The following ARHGEF3 variants were observed in gnomAD, a reference collection of about 807,000 sequenced individuals.
ARHGEF3 encodes the protein Rho guanine nucleotide exchange factor 3.
In ARHGEF3, 28 loss-of-function variants were observed where a neutral mutation model predicts 63.2. That is an observed-to-expected ratio of 0.44 (90% CI 0.33 to 0.61). ARHGEF3 has a LOEUF of 0.61. ARHGEF3 is among the 20% of genes least tolerant of loss of function. The pLI, the probability that ARHGEF3 is intolerant of heterozygous loss-of-function variation, is 0.03. For synonymous variants in ARHGEF3, 266 were observed against 254.2 expected (o/e 1.05, Z -0.44); for missense variants, 533 against 659.3 (o/e 0.81, Z 2.10).
Position 56,929,562 on chromosome 3 carries a change from G to A in ARHGEF3, c.129+29261C>T, listed in dbSNP as rs142506686. On this transcript the variant is annotated intron_variant, in intron 3 of 12. Transcript: ENST00000338458. ...TTCTGCATATCTAATATGCTTCCGG[G>A]TTCTGTTGCCACTAATGTCCCATGG... Among the ~76,000 whole-genome samples, 295 of 152,210 alleles carry A rather than the reference G, an allele frequency of 1.9e-3. 1 individual carries two copies. The highest frequency in any genetic ancestry group is 6.8e-3 in the African/African-American group (283 of 41,528).
At chr3:56,978,171 T>C (rs887415898) in intron 2 of ARHGEF3, among the ~76,000 whole-genome samples, 1 of 152,270 alleles carries the variant, frequency 6.6e-6, no homozygotes, top group African/African-American at 2.4e-5. Flanking sequence ...CTACCTTTAT[T>C]TGACAAAGAT....
intron 2 of ARHGEF3, among the ~76,000 whole-genome samples, chr3:57,028,604 A>C (rs1703578836): frequency 7.4e-6 from 1 of 134,644 alleles, no homozygotes; most frequent in African/African-American, 2.8e-5. Context: ...ATGACAAGTT[A>C]GTGGGTGCAG....
chr3:57,044,240 A>G (rs1259590008), intron 1 of ARHGEF3, among the ~76,000 whole-genome samples: 1 of 152,240 alleles, frequency 6.6e-6, no homozygotes, highest in African/African-American at 2.4e-5. Flanking sequence ...CTAATGAAAG[A>G]TGATACAAAC....
intron 3 of ARHGEF3, among the ~76,000 whole-genome samples, chr3:56,894,236 C>T (rs1423148521): frequency 2.0e-5 from 3 of 152,154 alleles, no homozygotes; most frequent in Non-Finnish European, 2.9e-5. Context: ...CACCTGGGTC[C>T]GCTCAACTGT....
At chr3:56,939,075 C>T (rs1699048996) in intron 3 of ARHGEF3, among the ~76,000 whole-genome samples, 1 of 152,140 alleles carries the variant, frequency 6.6e-6, no homozygotes, top group African/African-American at 2.4e-5. Context: ...ATTCGAGCCA[C>T]AATCCAATCT....
chr3:56,742,115 T>C (rs930137264), intron 7 of ARHGEF3, among the ~76,000 whole-genome samples: 1 of 152,124 alleles, frequency 6.6e-6, no homozygotes, highest in Non-Finnish European at 1.5e-5. Flanking sequence ...GAACCAAGAA[T>C]AGCAGTCTTC....
In ARHGEF3 at chr3:57,062,698, A is replaced by T. The variant is rs181965964; in HGVS notation, c.-28+16528T>A. Among the ~76,000 whole-genome samples the T allele has an allele frequency of 9.4e-3, 1,428 of 152,134 alleles. 37 individuals carry two copies. The highest frequency in any genetic ancestry group is 0.033 in the African/African-American group (1,355 of 41,402). On this transcript the variant is annotated intron_variant, in intron 1 of 12. Coordinates refer to the ARHGEF3 transcript ENST00000338458. ...GGACTCGCTGTTTCTCTGTCTACAC[A>T]CATGCACACACACACACACACAACA...
chr3:56,866,426 G>C (rs2040250281), intron 4 of ARHGEF3, among the ~76,000 whole-genome samples: 1 of 152,166 alleles, frequency 6.6e-6, no homozygotes, highest in African/African-American at 2.4e-5. Context: ...TGTTCCTAGG[G>C]GAGGCTGCTC....
chr3:56,784,920 G>A (rs2036731338), intron 1 of ARHGEF3, among the ~76,000 whole-genome samples: 1 of 152,184 alleles, frequency 6.6e-6, no homozygotes, highest in Non-Finnish European at 1.5e-5. Context: ...TTCTCACAGA[G>A]TTGTTGGGAG....
chr3:56,836,022 T>C (rs544645491), intron 4 of ARHGEF3, among the ~76,000 whole-genome samples: 8 of 152,346 alleles, frequency 5.3e-5, no homozygotes, highest in Non-Finnish European at 8.8e-5. Context: ...AGTATTTCTG[T>C]GGTAAAAATG....
At chr3:56,945,022 G>A (rs1369060499) in intron 3 of ARHGEF3, among the ~76,000 whole-genome samples, 1 of 152,194 alleles carries the variant, frequency 6.6e-6, no homozygotes. Context: ...TGCAATTTTG[G>A]AAGTTCTCCT....
intron 3 of ARHGEF3, among the ~76,000 whole-genome samples, chr3:56,885,474 C>T (rs189275945): frequency 6.6e-6 from 1 of 152,214 alleles, no homozygotes; most frequent in East Asian, 1.9e-4. Context: ...TTTTATGGTG[C>T]TACAGTTCCA....
At chr3:56,929,171 T>C (rs1483366266) in intron 3 of ARHGEF3, among the ~76,000 whole-genome samples, 1 of 151,920 alleles carries the variant, frequency 6.6e-6, no homozygotes, top group African/African-American at 2.4e-5. Flanking sequence ...AGAGTGAGAG[T>C]GGGGGATACC....
intron 2 of ARHGEF3, among the ~76,000 whole-genome samples, chr3:57,029,908 C>T (rs983669580): frequency 2.0e-5 from 3 of 152,060 alleles, no homozygotes; most frequent in African/African-American, 7.2e-5. Flanking sequence ...GTGGGGGAAG[C>T]AGAGCAGGTC....
Position 56,894,098 on chromosome 3 carries a change from C to A in ARHGEF3, c.130-11744G>T, listed in dbSNP as rs529194874. Among the ~76,000 whole-genome samples the A allele has an allele frequency of 3.9e-5, 6 of 152,170 alleles. No individual in the cohort carries two copies. The South Asian group carries it at 1.0e-3, about 26-fold the overall frequency. On this transcript the variant is annotated intron_variant, in intron 3 of 12. Transcript: ENST00000338458. Reference sequence around the variant, plus strand: ...TCAGCTTTCCACAGGCCAGAAATGCCGGAGAATTAATGCCACTGGGATCAG... The same window carrying A: ...TCAGCTTTCCACAGGCCAGAAATGCAGGAGAATTAATGCCACTGGGATCAG...
rs2036139328 is a variant in ARHGEF3 at position 56,773,812 on chromosome 3, G to A, written c.101C>T (p.Pro34Leu). The change falls in exon 2 of 10, where the codon CCT (proline) becomes CTT (leucine). Residue 34 changes from proline (P) to leucine (L), a missense_variant. Coordinates refer to ENST00000296315, the MANE Select transcript of ARHGEF3 (RefSeq NM_019555.3). ...ASGPAKDAEE[P>L]SNKRVKPLSR... ...AAGGGGTTTGACCCGTTTATTACTA[G>A]GCTCCTATAGAGTTAAAAAAAAAAA... The A allele has an allele frequency of 6.3e-7, 1 of 1,586,830 alleles. No homozygotes were observed. The highest frequency in any genetic ancestry group is 1.9e-5 in the Admixed American group (1 of 51,496).
intron 1 of ARHGEF3, among the ~76,000 whole-genome samples, chr3:57,051,891 G>C (rs190076934): frequency 3.0e-4 from 46 of 152,200 alleles, no homozygotes; most frequent in African/African-American, 1.1e-3. Flanking sequence ...TTGAACTGGG[G>C]AGACAAGGTT....
Position 57,022,688 on chromosome 3 carries a change from A to G in ARHGEF3, c.62+12400T>C, listed in dbSNP as rs181103156. Among the ~76,000 whole-genome samples the G allele has an allele frequency of 1.7e-4, 25 of 150,796 alleles. No homozygotes were observed. The East Asian group carries it at 2.0e-3, about 12-fold the overall frequency. ...AACCATCTCTGTTGACTGGGAACCA[A>G]TCTCCCGAGACTGCCCTGTCCAGTC... On this transcript the variant is annotated intron_variant, in intron 2 of 12. Coordinates refer to the ARHGEF3 transcript ENST00000338458.
intron 2 of ARHGEF3, among the ~76,000 whole-genome samples, chr3:57,027,297 C>T (rs34865272): frequency 0.32 from 48,701 of 152,070 alleles, 8,486 homozygotes; most frequent in Non-Finnish European, 0.38. Context: ...CCTGGCAGTT[C>T]CCCTTGTCAC....
Sources: gnomAD v4.1 joint callset for allele counts (sites outside exome capture counted in the v4.1 genomes callset) on GRCh38, gnomAD v4.1.1 for gene constraint, MANE v1.5 for transcripts, NCBI Gene and HGNC (gene_info 2026-07-23, HGNC 2026-07-21) for gene names.